HPSE2: variants seen among roughly 807,000 people sequenced by gnomAD.
HPSE2 encodes inactive heparanase-2.
HPSE2 carries 38 observed loss-of-function variants against 60.5 expected under a neutral mutation model. The ratio of observed to expected loss-of-function variants is 0.63; its 90% CI spans 0.48 to 0.82. The LOEUF (loss-of-function observed/expected upper bound fraction) is 0.82, where lower values mean the gene tolerates loss of function less well. HPSE2 is among the 40% of genes least tolerant of loss of function. The probability of loss-of-function intolerance (pLI) is 0.00; values close to 1 mark genes in which losing one functional copy is unlikely to be tolerated. For missense variants in HPSE2, 713 were observed against 740.4 expected, an observed-to-expected ratio of 0.96 and a Z score of 0.43; for synonymous variants, 295 against 293.2, an observed-to-expected ratio of 1.01 and a Z score of -0.06.
chr10:99,221,593 A>G (rs1374899674), intron 2 of HPSE2, among the ~76,000 whole-genome samples: 1 of 152,244 alleles, frequency 6.6e-6, no homozygotes, highest in Non-Finnish European at 1.5e-5. Flanking sequence ...TTGAGCTAAG[A>G]TAGCAAAGAA....
intron 9 of HPSE2, among the ~76,000 whole-genome samples, chr10:98,515,827 A>G (rs1942584065): frequency 6.6e-6 from 1 of 152,212 alleles, no homozygotes. Context: ...TGTTTTAAAA[A>G]TGGATCTGTG....
chr10:98,578,786 T>A (rs1944710447), intron 9 of HPSE2, among the ~76,000 whole-genome samples: 3 of 152,140 alleles, frequency 2.0e-5, no homozygotes, highest in Non-Finnish European at 4.4e-5. Context: ...TCTTCCCTCA[T>A]CCTATGCTCC....
chr10:98,992,360 G>A (rs552024078), intron 3 of HPSE2, among the ~76,000 whole-genome samples: 2 of 152,052 alleles, frequency 1.3e-5, no homozygotes, highest in African/African-American at 4.8e-5. Context: ...TTCTCTAAAA[G>A]GACCAAAATA....
chr10:98,722,985 G>C (rs1287308497), intron 4 of HPSE2, among the ~76,000 whole-genome samples: 2 of 152,180 alleles, frequency 1.3e-5, no homozygotes, highest in African/African-American at 4.8e-5. Flanking sequence ...GCCCTGGCCA[G>C]AACTTCTAAC....
At chr10:99,105,838 C>G (rs1214007825) in intron 3 of HPSE2, among the ~76,000 whole-genome samples, 1 of 151,876 alleles carries the variant, frequency 6.6e-6, no homozygotes, top group Non-Finnish European at 1.5e-5. Flanking sequence ...TTTTTTTAAT[C>G]CGAATATCCA....
chr10:98,891,924 C>T (rs1417798281), intron 3 of HPSE2, among the ~76,000 whole-genome samples: 1 of 152,000 alleles, frequency 6.6e-6, no homozygotes, highest in African/African-American at 2.4e-5. Context: ...ACGTGTGCCA[C>T]CACAACTGGC....
At chr10:99,199,563 C>T (rs1589812116) in intron 2 of HPSE2, among the ~76,000 whole-genome samples, 1 of 152,104 alleles carries the variant, frequency 6.6e-6, no homozygotes, top group Admixed American at 6.5e-5. Context: ...ATTTATGGCA[C>T]CCTTGTCAAG....
At chr10:98,950,149 C>T (rs1482706100) in intron 3 of HPSE2, among the ~76,000 whole-genome samples, 1 of 152,092 alleles carries the variant, frequency 6.6e-6, no homozygotes, top group Non-Finnish European at 1.5e-5. Flanking sequence ...CTTGCTTCAT[C>T]AGAACAAGCA....
At chr10:98,692,701 G>A (rs1353704788) in intron 6 of HPSE2, among the ~76,000 whole-genome samples, 2 of 152,144 alleles carry the variant, frequency 1.3e-5, no homozygotes, top group African/African-American at 4.8e-5. Flanking sequence ...CCCAGGAGGT[G>A]GAGCTTGCAG....
chr10:99,175,239 C>A (rs2133813395), intron 2 of HPSE2, among the ~76,000 whole-genome samples: 1 of 152,252 alleles, frequency 6.6e-6, no homozygotes, highest in Non-Finnish European at 1.5e-5. Flanking sequence ...TTTTTTCATA[C>A]TCCAGTGGTT....
At chr10:98,769,107 A>T (rs943628972) in intron 3 of HPSE2, among the ~76,000 whole-genome samples, 2 of 152,120 alleles carry the variant, frequency 1.3e-5, no homozygotes, top group African/African-American at 4.8e-5. Context: ...TTAAGTTTCA[A>T]ATAAGAAAAT....
rs538237814 is a variant in HPSE2 at position 98,581,215 on chromosome 10, T to A, written c.1320+33689A>T. Among the ~76,000 whole-genome samples, 22 of 152,250 alleles carry A rather than the reference T, an allele frequency of 1.4e-4. 1 individual carries two copies. In the East Asian group the frequency reaches 4.2e-3, roughly 29 times the overall value. On this transcript the variant is annotated intron_variant, in intron 9 of 11. Transcript: ENST00000370552. ...ACTGTGCCCAGTCTATTCATCTTTT[T>A]ATGTGCTATTTTTTATATTAAAATA...
chr10:98,560,931 T>C (rs1267286221), intron 9 of HPSE2, among the ~76,000 whole-genome samples: 3 of 152,346 alleles, frequency 2.0e-5, no homozygotes, highest in South Asian at 4.1e-4. Flanking sequence ...ATATTTGATA[T>C]GATAATAAAT....
chr10:99,264,518 G>A, the HPSE2 span, among the ~76,000 whole-genome samples: 1 of 152,034 alleles, frequency 6.6e-6, no homozygotes, highest in African/African-American at 2.4e-5. Flanking sequence ...TAAATGAATA[G>A]TGTTGTTTTT....
In HPSE2 at chr10:98,686,752, C is replaced by T. The variant is rs187383119; in HGVS notation, c.1004+7148G>A. Among the ~76,000 whole-genome samples, 196 of 152,158 alleles carry T rather than the reference C, an allele frequency of 1.3e-3. 1 individual carries two copies. The highest frequency in any genetic ancestry group is 4.7e-3 in the African/African-American group (195 of 41,528). On this transcript the variant is annotated intron_variant, in intron 6 of 11. Transcript: ENST00000370552. ...AGGCATTTTATAGATATTTTTGTTA[C>T]TAATACCTAACTTAGTTTCTTTGTC...
chr10:99,112,856 T>A (rs10883265), intron 3 of HPSE2, among the ~76,000 whole-genome samples: 74,706 of 152,004 alleles, frequency 0.49, 20,808 homozygotes, highest in East Asian at 0.65. Flanking sequence ...AGAGACCAGA[T>A]CTGCTCTGGG....
At chr10:98,826,486 T>A (rs1327549509) in intron 3 of HPSE2, among the ~76,000 whole-genome samples, 1 of 152,186 alleles carries the variant, frequency 6.6e-6, no homozygotes. Flanking sequence ...GGTTGGGGTA[T>A]ATATCTCCTG....
intron 3 of HPSE2, among the ~76,000 whole-genome samples, chr10:98,993,955 A>G (rs1022653911): frequency 1.1e-4 from 16 of 152,244 alleles, no homozygotes; most frequent in African/African-American, 3.4e-4. Flanking sequence ...TTCTTTTGCC[A>G]CAATGATGAC....
chr10:98,673,046 T>C (rs1350486779), intron 6 of HPSE2, among the ~76,000 whole-genome samples: 1 of 152,138 alleles, frequency 6.6e-6, no homozygotes, highest in East Asian at 1.9e-4. Flanking sequence ...GGGTGGTAAA[T>C]ATAAAGATGG....
Sources: gnomAD v4.1 joint callset for allele counts (sites outside exome capture counted in the v4.1 genomes callset) on GRCh38, gnomAD v4.1.1 for gene constraint, MANE v1.5 for transcripts, NCBI Gene and HGNC (gene_info 2026-07-23, HGNC 2026-07-21) for gene names.